The following GALNT13 variants were observed in gnomAD, a reference collection of about 807,000 sequenced individuals.
GALNT13 encodes polypeptide N-acetylgalactosaminyltransferase 13, also known as UDP-GalNAc:polypeptide N-acetylgalactosaminyltransferase 13.
Under a neutral mutation model 64.2 loss-of-function variants are expected in GALNT13, and 28 were observed. The ratio of observed to expected loss-of-function variants is 0.44; its 90% CI spans 0.32 to 0.60. GALNT13 has a LOEUF of 0.60. Among genes scored for constraint, GALNT13 ranks in the 20% least tolerant of loss-of-function variants. The probability of loss-of-function intolerance (pLI) is 0.05; values close to 1 mark genes in which losing one functional copy is unlikely to be tolerated. For missense variants in GALNT13, 577 were observed against 669.8 expected, an observed-to-expected ratio of 0.86 and a Z score of 1.53; for synonymous variants, 214 against 224.6, an observed-to-expected ratio of 0.95 and a Z score of 0.42.
At chr2:154,146,136 G>GTGTA (rs1389729373) in intron 4 of GALNT13, among the ~76,000 whole-genome samples, 3 of 148,226 alleles carry the variant, frequency 2.0e-5, no homozygotes, top group Non-Finnish European at 3.0e-5. Flanking sequence ...GTGTGTGTGT[G>GTGTA]TATATATATA....
chr2:153,768,252 G>T, the GALNT13 span, among the ~76,000 whole-genome samples: 1 of 152,208 alleles, frequency 6.6e-6, no homozygotes, highest in African/African-American at 2.4e-5. Context: ...CAGATGAAAA[G>T]AACGTATATT....
At chr2:153,190,445 CTGTT>C in the GALNT13 span, among the ~76,000 whole-genome samples, 1 of 152,008 alleles carries the variant, frequency 6.6e-6, no homozygotes, top group South Asian at 2.1e-4. Context: ...GTCTATGTGT[CTGTT>C]TGTATACCAA....
chr2:153,891,305 C>T (rs1173588966), intron 1 of GALNT13, among the ~76,000 whole-genome samples: 1 of 151,996 alleles, frequency 6.6e-6, no homozygotes, highest in Non-Finnish European at 1.5e-5. Context: ...TCTGGCTTTC[C>T]CAGTAGGATA....
intron 11 of GALNT13, chr2:154,437,150 T>A (rs952212750): frequency 6.5e-6 from 1 of 153,634 alleles, no homozygotes; most frequent in Non-Finnish European, 1.4e-5. Context: ...CCTCTCGCCT[T>A]AGCCTCCCAA....
the GALNT13 span, among the ~76,000 whole-genome samples, chr2:153,132,411 C>T: frequency 6.6e-6 from 1 of 151,950 alleles, no homozygotes; most frequent in Admixed American, 6.6e-5. Flanking sequence ...TTAAAGTGAC[C>T]CTAGGACTTT....
chr2:154,307,169 A>C (rs76427495), intron 9 of GALNT13, among the ~76,000 whole-genome samples: 1 of 152,096 alleles, frequency 6.6e-6, no homozygotes, highest in Admixed American at 6.6e-5. Context: ...AGGAAAAGAA[A>C]ATTCCTTTGG....
chr2:154,059,919 T>C (rs1049646314), intron 3 of GALNT13, among the ~76,000 whole-genome samples: 2 of 152,110 alleles, frequency 1.3e-5, no homozygotes, highest in African/African-American at 2.4e-5. Context: ...GGGGAGCTGG[T>C]AGGGACTGAA....
At chr2:154,397,875 C>G (rs550978327) in intron 10 of GALNT13, among the ~76,000 whole-genome samples, 144 of 152,256 alleles carry the variant, frequency 9.5e-4, no homozygotes, top group African/African-American at 3.3e-3. Flanking sequence ...TGACTTTAGA[C>G]TAGTCACTTA....
chr2:153,150,974 A>G, the GALNT13 span, among the ~76,000 whole-genome samples: 2 of 151,920 alleles, frequency 1.3e-5, no homozygotes, highest in Admixed American at 1.3e-4. Flanking sequence ...TTGGTTCCAT[A>G]TGAACTTTAG....
chr2:153,948,314 C>T (rs537114862), intron 3 of GALNT13, among the ~76,000 whole-genome samples: 49 of 151,126 alleles, frequency 3.2e-4, no homozygotes, highest in Non-Finnish European at 4.4e-4. Context: ...TTCCATCTCA[C>T]GCCAATCAGA....
intron 3 of GALNT13, among the ~76,000 whole-genome samples, chr2:154,043,409 G>A (rs1699094971): frequency 1.1e-4 from 2 of 18,596 alleles, no homozygotes; most frequent in South Asian, 8.3e-3. Context: ...CTACTATAAG[G>A]ACTTTTATAT....
the GALNT13 span, among the ~76,000 whole-genome samples, chr2:153,722,174 C>T: frequency 1.0e-3 from 146 of 145,622 alleles, no homozygotes; most frequent in Non-Finnish European, 1.5e-3. Flanking sequence ...CGCTCAACTA[C>T]ATGGAAACTG....
the GALNT13 span, among the ~76,000 whole-genome samples, chr2:153,750,370 C>G: frequency 1.3e-5 from 2 of 151,660 alleles, no homozygotes; most frequent in Non-Finnish European, 3.0e-5. Context: ...CTGTCCTCCT[C>G]TATATTTTGG....
intron 7 of GALNT13, among the ~76,000 whole-genome samples, chr2:154,255,322 G>GGGTATGTA (rs1279385623): frequency 6.6e-6 from 1 of 152,142 alleles, no homozygotes; most frequent in Admixed American, 6.5e-5. Context: ...GTTGCTAAGG[G>GGGTATGTA]GGTATGTAGA....
At chr2:153,207,875 C>CTTGCAGAATGTAGT in the GALNT13 span, among the ~76,000 whole-genome samples, 1 of 152,122 alleles carries the variant, frequency 6.6e-6, no homozygotes. Flanking sequence ...TTGTGTACAA[C>CTTGCAGAATGTAGT]TTGCAGAATG....
chr2:154,140,048 G>A (rs1488761699), intron 3 of GALNT13, among the ~76,000 whole-genome samples: 1 of 151,988 alleles, frequency 6.6e-6, no homozygotes, highest in Non-Finnish European at 1.5e-5. Context: ...CTCTAATAGT[G>A]TATGAAATAT....
chr2:153,478,560 A>G, the GALNT13 span: 24 of 1,585,490 alleles, frequency 1.5e-5, no homozygotes, highest in East Asian at 5.4e-4. Flanking sequence ...CTAGGGCCGG[A>G]TTCATCGCAG....
intron 9 of GALNT13, among the ~76,000 whole-genome samples, chr2:154,342,847 T>TGC (rs771681521): frequency 5.3e-5 from 8 of 150,910 alleles, no homozygotes; most frequent in Non-Finnish European, 7.4e-5. Flanking sequence ...TGTGTGTGTG[T>TGC]GCGAGATTTC....
the GALNT13 span, among the ~76,000 whole-genome samples, chr2:153,114,702 T>C: frequency 1.3e-5 from 2 of 152,102 alleles, no homozygotes; most frequent in African/African-American, 4.8e-5. Flanking sequence ...GTAGCAAAGA[T>C]AGATAATTCT....
Sources: allele counts gnomAD v4.1 joint callset (sites outside exome capture counted in the v4.1 genomes callset), GRCh38; gene constraint gnomAD v4.1.1; transcripts MANE v1.5; gene names NCBI Gene and HGNC (gene_info 2026-07-23, HGNC 2026-07-21).